The following GALNT2 variants were observed in gnomAD, a reference collection of about 807,000 sequenced individuals.
GALNT2 encodes polypeptide N-acetylgalactosaminyltransferase 2.
GALNT2 carries 31 observed loss-of-function variants against 81.4 expected under a neutral mutation model. The observed-to-expected ratio is 0.38, with a 90% CI of 0.29 to 0.51. GALNT2 has a LOEUF of 0.51. GALNT2 is among the 20% of genes least tolerant of loss of function. The pLI, the probability that GALNT2 is intolerant of heterozygous loss-of-function variation, is 0.87. For synonymous variants in GALNT2, 303 were observed against 287.4 expected, an observed-to-expected ratio of 1.05 and a Z score of -0.55; for missense variants, 629 against 765.7, an observed-to-expected ratio of 0.82 and a Z score of 2.11.
intron 2 of GALNT2, among the ~76,000 whole-genome samples, chr1:230,198,571 C>A (rs1245856141): frequency 6.6e-6 from 1 of 152,070 alleles, no homozygotes; most frequent in Non-Finnish European, 1.5e-5. Context: ...GAGGACATGG[C>A]CATGCATGTG....
intron 15 of GALNT2, among the ~76,000 whole-genome samples, chr1:230,278,854 G>T (rs933368244): frequency 1.3e-5 from 2 of 152,202 alleles, no homozygotes; most frequent in Non-Finnish European, 2.9e-5. Context: ...CCAGACCAAG[G>T]CCTCCAGGCA....
At chr1:230,211,193 C>T (rs1350433466) in intron 3 of GALNT2, among the ~76,000 whole-genome samples, 2 of 152,190 alleles carry the variant, frequency 1.3e-5, no homozygotes, top group Non-Finnish European at 2.9e-5. Context: ...ACCGCTGCTC[C>T]ATGGTAGAGC....
Position 230,205,205 on chromosome 1 carries a change from T to C in GALNT2, c.374+1915T>C, listed in dbSNP as rs146915213. ...ACAGTGAAAGAAGATTTTTCTCTCT[T>C]ACTCTCAAGGACTTTATGGACAGTG... is the stretch of plus-strand genomic sequence containing the variant. On this transcript the variant is annotated intron_variant, in intron 3 of 15. Transcript: ENST00000366672. Among the ~76,000 whole-genome samples the C allele has an allele frequency of 1.5e-3, 226 of 152,290 alleles. 1 individual carries two copies. The highest frequency in any genetic ancestry group is 5.1e-3 in the African/African-American group (212 of 41,566).
At chr1:230,131,176 T>C (rs1661356925) in intron 1 of GALNT2, among the ~76,000 whole-genome samples, 1 of 152,194 alleles carries the variant, frequency 6.6e-6, no homozygotes, top group African/African-American at 2.4e-5. Context: ...GAGTCGTTTT[T>C]TAGAAACCTG....
chr1:230,249,845 G>C (rs16851212), intron 9 of GALNT2, among the ~76,000 whole-genome samples: 2,360 of 152,320 alleles, frequency 0.015, 60 homozygotes, highest in African/African-American at 0.054. Context: ...CTGACATTTA[G>C]CCAACATCTG....
chr1:230,221,482 G>A (rs1411346441), intron 3 of GALNT2, among the ~76,000 whole-genome samples: 1 of 152,194 alleles, frequency 6.6e-6, no homozygotes, highest in East Asian at 1.9e-4. Context: ...TTTGAATGAA[G>A]ATTCATAGCT....
chr1:230,061,075 T>A (rs1216022932), intron 1 of GALNT2, among the ~76,000 whole-genome samples: 1 of 152,152 alleles, frequency 6.6e-6, no homozygotes, highest in African/African-American at 2.4e-5. Context: ...GAAACCAAGA[T>A]CTGGGTGCAA....
At chr1:230,140,741 T>C (rs1010081879) in intron 1 of GALNT2, among the ~76,000 whole-genome samples, 1 of 152,202 alleles carries the variant, frequency 6.6e-6, no homozygotes, top group African/African-American at 2.4e-5. Flanking sequence ...TCCCTTCCCC[T>C]TTTCCTCAGG....
At chr1:230,179,168 A>G (rs1042693397) in intron 2 of GALNT2, among the ~76,000 whole-genome samples, 10 of 151,736 alleles carry the variant, frequency 6.6e-5, no homozygotes, top group African/African-American at 2.4e-4. Flanking sequence ...TTAACATTCC[A>G]TTGTCTGGGT....
intron 1 of GALNT2, among the ~76,000 whole-genome samples, chr1:230,077,339 C>T (rs1183053989): frequency 6.6e-6 from 1 of 152,178 alleles, no homozygotes; most frequent in Non-Finnish European, 1.5e-5. Flanking sequence ...TAGTTGTCTT[C>T]CTGTCTCACT....
intron 3 of GALNT2, among the ~76,000 whole-genome samples, chr1:230,224,825 T>C (rs1042878326): frequency 3.9e-5 from 6 of 152,250 alleles, no homozygotes; most frequent in Non-Finnish European, 8.8e-5. Context: ...TACGATAGGC[T>C]TGAGTTTCCT....
intron 1 of GALNT2, among the ~76,000 whole-genome samples, chr1:230,123,626 G>GC (rs1245642839): frequency 1.3e-5 from 2 of 152,066 alleles, no homozygotes; most frequent in African/African-American, 4.8e-5. Flanking sequence ...GTATTGTCTT[G>GC]CTTGAGCCTT....
chr1:230,144,257 A>C (rs1661842415), intron 1 of GALNT2, among the ~76,000 whole-genome samples: 1 of 152,134 alleles, frequency 6.6e-6, no homozygotes, highest in Admixed American at 6.5e-5. Context: ...TCCAGACCTG[A>C]GTGCTTTTGA....
intron 6 of GALNT2, among the ~76,000 whole-genome samples, chr1:230,238,001 C>G (rs543064706): frequency 6.6e-6 from 1 of 152,210 alleles, no homozygotes; most frequent in South Asian, 2.1e-4. Flanking sequence ...ATGTTCATTT[C>G]GGTTGAACCC....
In GALNT2 at chr1:230,243,541, A is replaced by C; in HGVS notation, c.729+114A>C. 1 of 1,344,268 alleles carries C rather than the reference A, an allele frequency of 7.4e-7. No homozygotes were observed. Among genetic ancestry groups the C allele is most frequent in the Non-Finnish European group, 9.9e-7 (1 of 1,007,560 alleles). The allele number at this position is 1,344,268 out of a possible 1,614,324, so 83.3% of individuals were successfully genotyped here. A position where few individuals can be genotyped will look rare whatever the true frequency, so the allele number is the denominator to read the frequency against. ...CAGGGAGTAGGGCGTCAGGGCTGGT[A>C]GGGGCTGAGCTCGCCGTCTGCAGTT... On this transcript the variant is annotated intron_variant, in intron 7 of 15. Transcript: ENST00000366672. The surrounding 1 kb of genome is among the most constrained non-coding windows in gnomAD (Gnocchi z 4.2).
intron 15 of GALNT2, among the ~76,000 whole-genome samples, chr1:230,277,540 C>T (rs114006661): frequency 2.6e-5 from 4 of 152,266 alleles, no homozygotes; most frequent in South Asian, 2.1e-4. Context: ...TTGACAGCAA[C>T]GAGGGAGCTG....
At chr1:230,260,865 C>G (rs1359763135) in intron 11 of GALNT2, among the ~76,000 whole-genome samples, 1 of 152,194 alleles carries the variant, frequency 6.6e-6, no homozygotes, top group African/African-American at 2.4e-5. Context: ...ATGAATTCGT[C>G]TGTCAGTATC....
At chr1:230,261,316 T>C (rs1490221440) in intron 11 of GALNT2, among the ~76,000 whole-genome samples, 1 of 152,206 alleles carries the variant, frequency 6.6e-6, no homozygotes, top group Non-Finnish European at 1.5e-5. Flanking sequence ...ATGAAAGATA[T>C]AGGCCCCATA....
intron 1 of GALNT2, among the ~76,000 whole-genome samples, chr1:230,067,613 C>T (rs977729215): frequency 3.3e-5 from 5 of 152,032 alleles, no homozygotes; most frequent in Non-Finnish European, 4.4e-5. Flanking sequence ...AAAGGGCGGC[C>T]CCCGCAGCCT....
Sources: gnomAD v4.1 joint callset for allele counts (sites outside exome capture counted in the v4.1 genomes callset) on GRCh38, gnomAD v4.1.1 for gene constraint, Gnocchi (gnomAD v3.1) non-coding constraint, MANE v1.5 for transcripts, NCBI Gene and HGNC (gene_info 2026-07-23, HGNC 2026-07-21) for gene names.